ASTN2: variants seen among roughly 807,000 people sequenced by gnomAD.
ASTN2 encodes the protein astrotactin 2.
ASTN2 carries 54 observed loss-of-function variants against 139.8 expected under a neutral mutation model. That is an observed-to-expected ratio of 0.39 (90% CI 0.31 to 0.48). The LOEUF (loss-of-function observed/expected upper bound fraction) is 0.48, where lower values mean the gene tolerates loss of function less well. Among genes scored for constraint, ASTN2 ranks in the 20% least tolerant of loss-of-function variants. ASTN2 has a pLI of 0.95. For synonymous variants in ASTN2, 756 were observed against 719.5 expected, an observed-to-expected ratio of 1.05 and a Z score of -0.81; for missense variants, 1,565 against 1,725.1, an observed-to-expected ratio of 0.91 and a Z score of 1.64.
chr9:116,702,317 G>C (rs997828625), intron 16 of ASTN2, among the ~76,000 whole-genome samples: 1 of 152,008 alleles, frequency 6.6e-6, no homozygotes, highest in Non-Finnish European at 1.5e-5. Context: ...GCACCTGATG[G>C]TGGGAAGTGG....
chr9:117,065,382 C>T (rs567230486), intron 5 of ASTN2, among the ~76,000 whole-genome samples: 94 of 152,202 alleles, frequency 6.2e-4, no homozygotes, highest in Admixed American at 1.4e-3. Flanking sequence ...GAGAACTTAC[C>T]TTTTTTTCGA....
chr9:116,931,163 G>T (rs1055761877), intron 10 of ASTN2, among the ~76,000 whole-genome samples: 12 of 152,144 alleles, frequency 7.9e-5, no homozygotes, highest in Admixed American at 2.6e-4. Flanking sequence ...GACGTACCTG[G>T]CAGGGTTCTG....
intron 19 of ASTN2, among the ~76,000 whole-genome samples, chr9:116,605,062 A>C (rs1424092387): frequency 6.6e-6 from 1 of 151,974 alleles, no homozygotes; most frequent in African/African-American, 2.4e-5. Flanking sequence ...AGAGACAGAG[A>C]GCCACCAAGG....
rs550831987 is a variant in ASTN2, at chr9:116,992,124, G to A, written c.1592-15339C>T. ...TCAAGTTTGGAGCTGGGAGGATGGG[G>A]GCTTACATCCCAAGGATAAAATATT... On this transcript the variant is annotated intron_variant, in intron 7 of 22. Transcript: ENST00000313400. Among the ~76,000 whole-genome samples, 24 of 152,248 alleles carry A rather than the reference G, an allele frequency of 1.6e-4. 1 individual carries two copies. Among genetic ancestry groups the A allele is most frequent in the Admixed American group, 1.4e-3 (21 of 15,286 alleles).
In ASTN2 at chr9:117,293,169, C is replaced by A. The variant is rs543814757; in HGVS notation, c.443-1656G>T. Among the ~76,000 whole-genome samples, 42 of 152,242 alleles carry A rather than the reference C, an allele frequency of 2.8e-4. No homozygotes were observed. The Middle Eastern group carries it at 0.01, about 37-fold the overall frequency. On this transcript the variant is annotated intron_variant, in intron 1 of 22. Transcript: ENST00000313400. ...TTTCTCTCCCACTCCTCATTCAGTTCATCAGAAAATCCTTCCAAAGTCATC... is the reference window on the plus strand; with the variant it reads ...TTTCTCTCCCACTCCTCATTCAGTTAATCAGAAAATCCTTCCAAAGTCATC...
At chr9:117,109,385 C>T (rs922939458) in intron 4 of ASTN2, among the ~76,000 whole-genome samples, 5 of 151,258 alleles carry the variant, frequency 3.3e-5, no homozygotes, top group Non-Finnish European at 7.4e-5. Context: ...TAAATCTGTC[C>T]TTCAATAGAA....
intron 17 of ASTN2, among the ~76,000 whole-genome samples, chr9:116,626,494 A>C (rs1214101649): frequency 1.3e-5 from 2 of 152,124 alleles, no homozygotes; most frequent in Non-Finnish European, 2.9e-5. Flanking sequence ...TTCTAACAAA[A>C]GAGATGACAG....
chr9:117,341,831 T>C (rs909066376), intron 1 of ASTN2, among the ~76,000 whole-genome samples: 2 of 152,220 alleles, frequency 1.3e-5, no homozygotes, highest in African/African-American at 2.4e-5. Flanking sequence ...CTGCCTTGTT[T>C]CTGCAAAATA....
chr9:116,955,682 C>G (rs971271768), intron 10 of ASTN2, among the ~76,000 whole-genome samples: 1 of 152,228 alleles, frequency 6.6e-6, no homozygotes, highest in Non-Finnish European at 1.5e-5. Flanking sequence ...TCCTGCTGCT[C>G]TAGCATCTGA....
At chr9:116,833,839 C>T (rs776721669) in intron 11 of ASTN2, among the ~76,000 whole-genome samples, 6 of 152,120 alleles carry the variant, frequency 3.9e-5, no homozygotes, top group Non-Finnish European at 7.3e-5. Context: ...GCCTTGGGGA[C>T]GTGATTAGGT....
At chr9:116,828,906 C>T (rs1831721732) in intron 11 of ASTN2, among the ~76,000 whole-genome samples, 1 of 152,022 alleles carries the variant, frequency 6.6e-6, no homozygotes, top group African/African-American at 2.4e-5. Context: ...GAAAGCAATC[C>T]ATTTACAATA....
At chr9:116,608,668 A>G (rs1262896195) in intron 19 of ASTN2, among the ~76,000 whole-genome samples, 1 of 152,232 alleles carries the variant, frequency 6.6e-6, no homozygotes, top group Non-Finnish European at 1.5e-5. Flanking sequence ...AAATATTTTT[A>G]GTAATACAAA....
intron 20 of ASTN2, among the ~76,000 whole-genome samples, chr9:116,476,344 C>G (rs950476990): frequency 6.6e-6 from 1 of 152,166 alleles, no homozygotes; most frequent in Admixed American, 6.5e-5. Context: ...AAGCCCCATC[C>G]CAAGGTTTCA....
At chr9:117,331,919 C>A (rs1195015480) in intron 1 of ASTN2, among the ~76,000 whole-genome samples, 2 of 152,104 alleles carry the variant, frequency 1.3e-5, no homozygotes, top group Non-Finnish European at 2.9e-5. Context: ...AACAACCCTC[C>A]ATTCATACCC....
intron 5 of ASTN2, among the ~76,000 whole-genome samples, chr9:117,064,382 G>T (rs966565783): frequency 1.7e-4 from 26 of 152,096 alleles, no homozygotes; most frequent in African/African-American, 5.6e-4. Context: ...AAATGTTAAA[G>T]GTCTTCGCAG....
chr9:116,725,076 C>A (rs1476163052), intron 16 of ASTN2, among the ~76,000 whole-genome samples: 1 of 152,176 alleles, frequency 6.6e-6, no homozygotes, highest in Non-Finnish European at 1.5e-5. Flanking sequence ...ACATAAACCA[C>A]TTATCTTTAA....
chr9:116,996,962 T>C lies in ASTN2; in HGVS notation c.1591+11130A>G, dbSNP rs148344251. Among the ~76,000 whole-genome samples, 204 of 152,294 alleles carry C rather than the reference T, an allele frequency of 1.3e-3. 1 individual carries two copies. In the East Asian group the frequency reaches 0.026, roughly 20 times the overall value. On this transcript the variant is annotated intron_variant, in intron 7 of 22. Coordinates refer to ENST00000313400, the MANE Select transcript of ASTN2 (RefSeq NM_001365068.1). ...TTTAAATGTCAGTAGATTATATTTA[T>C]GATGTTAAAATCTGGTCTTAAAAGC...
chr9:116,626,592 C>A (rs1191412676), intron 17 of ASTN2, among the ~76,000 whole-genome samples: 1 of 151,698 alleles, frequency 6.6e-6, no homozygotes, highest in Non-Finnish European at 1.5e-5. Flanking sequence ...AGGTAGAGTC[C>A]CTTTTGGAGA....
At chr9:117,129,347 T>A (rs566163344) in intron 4 of ASTN2, among the ~76,000 whole-genome samples, 1 of 152,146 alleles carries the variant, frequency 6.6e-6, no homozygotes. Context: ...CACCCCTTGA[T>A]GTAAAATAAA....
Sources: allele counts gnomAD v4.1 joint callset (sites outside exome capture counted in the v4.1 genomes callset), GRCh38; gene constraint gnomAD v4.1.1; transcripts MANE v1.5; gene names NCBI Gene and HGNC (gene_info 2026-07-23, HGNC 2026-07-21).